Variants in CNTN5 observed in about 807,000 individuals in gnomAD.
CNTN5 encodes contactin-5.
In CNTN5, 77 loss-of-function variants were observed where a neutral mutation model predicts 129.1. The ratio of observed to expected loss-of-function variants is 0.60; its 90% CI spans 0.50 to 0.72. The LOEUF (loss-of-function observed/expected upper bound fraction) is 0.72. Among genes scored for constraint, CNTN5 ranks in the 30% least tolerant of loss-of-function variants. The pLI, the probability that CNTN5 is intolerant of heterozygous loss-of-function variation, is 0.00. For missense variants in CNTN5, 1,478 were observed against 1,328.8 expected (o/e 1.11, Z -1.75); for synonymous variants, 509 against 465.6 (o/e 1.09, Z -1.20).
intron 3 of CNTN5, among the ~76,000 whole-genome samples, chr11:99,633,326 T>C (rs1429063745): frequency 1.3e-5 from 2 of 152,178 alleles, no homozygotes; most frequent in Non-Finnish European, 2.9e-5. Context: ...TGTATAGTAA[T>C]GGCATATTTA....
chr11:99,786,850 A>G (rs1945544596), intron 3 of CNTN5, among the ~76,000 whole-genome samples: 1 of 152,220 alleles, frequency 6.6e-6, no homozygotes, highest in African/African-American at 2.4e-5. Context: ...TACAAAAATT[A>G]ACTGAAGATG....
chr11:100,055,221 C>A (rs191692664), intron 9 of CNTN5, among the ~76,000 whole-genome samples: 207 of 151,634 alleles, frequency 1.4e-3, no homozygotes, highest in African/African-American at 4.7e-3. Flanking sequence ...AGAAGCTCAT[C>A]GATATCTTAA....
At chr11:100,068,472 G>A (rs544639362) in intron 10 of CNTN5, among the ~76,000 whole-genome samples, 1 of 152,270 alleles carries the variant, frequency 6.6e-6, no homozygotes, top group African/African-American at 2.4e-5. Context: ...ATAAAATACA[G>A]TGTGTGCTTG....
At chr11:99,026,317 A>G (rs1297604382) in intron 1 of CNTN5, among the ~76,000 whole-genome samples, 1 of 151,646 alleles carries the variant, frequency 6.6e-6, no homozygotes, top group Admixed American at 6.6e-5. Flanking sequence ...TCTAAAAGAT[A>G]TAGACTGGCT....
At chr11:99,125,018 A>T (rs1858549312) in intron 1 of CNTN5, among the ~76,000 whole-genome samples, 1 of 152,048 alleles carries the variant, frequency 6.6e-6, no homozygotes, top group African/African-American at 2.4e-5. Flanking sequence ...TTCACAGCTT[A>T]ATTCTACCTA....
rs552676252 is a variant in CNTN5, at chr11:99,096,118, T to C, written c.-210+74848T>C. ...AATGCTTTTGTTCCTTTGAAAAATA[T>C]CTACTAGTTAAGTAAATGTATCCAA... On this transcript the variant is annotated intron_variant, in intron 1 of 24. Coordinates refer to ENST00000524871, the MANE Select transcript of CNTN5 (RefSeq NM_014361.4). Among the ~76,000 whole-genome samples the C allele has an allele frequency of 2.0e-5, 3 of 152,018 alleles. No individual in the cohort carries two copies. The East Asian group carries it at 5.8e-4, about 29-fold the overall frequency.
At chr11:99,066,409 A>C (rs776583774) in intron 1 of CNTN5, among the ~76,000 whole-genome samples, 1 of 152,102 alleles carries the variant, frequency 6.6e-6, no homozygotes, top group African/African-American at 2.4e-5. Flanking sequence ...CAGCAAGCTA[A>C]TATTTATTCT....
At position 100,286,085 on chromosome 11, in the gene CNTN5, C is replaced by A. The variant is rs564111688; in HGVS notation, c.2315-11540C>A. ...CGGCCCAACACGAGATTATATCCCG[C>A]ACCTGGCTGGGAGGGTCCTACGCCC... On this transcript the variant is annotated intron_variant, in intron 18 of 24. Transcript: ENST00000524871. Among the ~76,000 whole-genome samples, 564 of 152,352 alleles carry A rather than the reference C, an allele frequency of 3.7e-3. 9 individuals carry two copies. The highest frequency in any genetic ancestry group is 0.026 in the Admixed American group (404 of 15,308).
intron 6 of CNTN5, among the ~76,000 whole-genome samples, chr11:99,859,772 C>T (rs1158698362): frequency 6.6e-6 from 1 of 152,026 alleles, no homozygotes; most frequent in Non-Finnish European, 1.5e-5. Flanking sequence ...AGGTTGATTC[C>T]ACGTCTTTGC....
At chr11:99,453,333 A>C (rs1422653677) in intron 2 of CNTN5, among the ~76,000 whole-genome samples, 1 of 152,186 alleles carries the variant, frequency 6.6e-6, no homozygotes. Context: ...CTTGTAGAGA[A>C]AGTTGAGAAC....
intron 13 of CNTN5, among the ~76,000 whole-genome samples, chr11:100,125,431 G>C (rs536334917): frequency 2.6e-5 from 4 of 152,122 alleles, no homozygotes; most frequent in Non-Finnish European, 4.4e-5. Context: ...TTGGTTTCCT[G>C]GTACTTCGTT....
At chr11:99,902,120 A>G (rs935658157) in intron 6 of CNTN5, among the ~76,000 whole-genome samples, 12 of 152,182 alleles carry the variant, frequency 7.9e-5, no homozygotes, top group African/African-American at 2.4e-4. Context: ...TGAACTGGCA[A>G]TACGGAAAAG....
chr11:99,817,128 C>T (rs191179721), intron 3 of CNTN5, among the ~76,000 whole-genome samples: 5 of 152,258 alleles, frequency 3.3e-5, no homozygotes, highest in Admixed American at 2.0e-4. Context: ...CCCACTAGAT[C>T]GTAGCTCCTT....
At chr11:99,842,456 A>T (rs1947541128) in intron 4 of CNTN5, among the ~76,000 whole-genome samples, 1 of 152,228 alleles carries the variant, frequency 6.6e-6, no homozygotes, top group Non-Finnish European at 1.5e-5. Flanking sequence ...TAAAGTAGGC[A>T]TTATTATCCA....
intron 3 of CNTN5, among the ~76,000 whole-genome samples, chr11:99,656,542 T>C (rs1017843771): frequency 2.6e-5 from 4 of 152,154 alleles, no homozygotes; most frequent in African/African-American, 9.6e-5. Flanking sequence ...GATAGTTTAG[T>C]AAGTTTCTAG....
intron 3 of CNTN5, among the ~76,000 whole-genome samples, chr11:99,766,711 A>G (rs563228963): frequency 8.6e-5 from 13 of 152,004 alleles, no homozygotes; most frequent in South Asian, 6.2e-4. Context: ...TATCTGTGGA[A>G]CTGGATTTAA....
chr11:99,815,453 G>C (rs1003175728), intron 3 of CNTN5, among the ~76,000 whole-genome samples: 2 of 152,114 alleles, frequency 1.3e-5, no homozygotes, highest in Non-Finnish European at 2.9e-5. Flanking sequence ...ATATCCCTGA[G>C]AGAGGAGGAG....
intron 2 of CNTN5, among the ~76,000 whole-genome samples, chr11:99,452,396 G>A (rs775796147): frequency 1.2e-4 from 9 of 72,030 alleles, no homozygotes; most frequent in South Asian, 5.3e-4. Flanking sequence ...TTTTTGGGAC[G>A]GAGTCTGGTT....
chr11:99,848,208 TCAAAA>T (rs947289253), intron 6 of CNTN5, among the ~76,000 whole-genome samples: 2 of 152,128 alleles, frequency 1.3e-5, no homozygotes, highest in East Asian at 1.9e-4. Flanking sequence ...AGACTCCTTC[TCAAAA>T]CAAAACAAAA....
Sources: allele counts gnomAD v4.1 joint callset (sites outside exome capture counted in the v4.1 genomes callset), GRCh38; gene constraint gnomAD v4.1.1; transcripts MANE v1.5; gene names NCBI Gene and HGNC (gene_info 2026-07-23, HGNC 2026-07-21).